The following THSD7B variants were observed in gnomAD, a reference collection of about 807,000 sequenced individuals.
THSD7B encodes the protein thrombospondin type-1 domain-containing protein 7B.
A neutral mutation model predicts 213.6 loss-of-function variants in THSD7B; 138 were observed. The observed-to-expected ratio is 0.65, with a 90% confidence interval of 0.56 to 0.74. The LOEUF is 0.74. Ranked by LOEUF, THSD7B falls within the 30% of genes least tolerant of loss-of-function variation. The pLI, the probability that THSD7B is intolerant of heterozygous loss-of-function variation, is 0.00. For missense variants in THSD7B, 1,931 were observed against 1,991.5 expected (o/e 0.97, Z 0.58); for synonymous variants, 742 against 687.0 (o/e 1.08, Z -1.25).
intron 2 of THSD7B, among the ~76,000 whole-genome samples, chr2:137,052,050 A>C (rs765232511): frequency 1.3e-5 from 2 of 152,218 alleles, no homozygotes; most frequent in African/African-American, 4.8e-5. Context: ...CATTTCCTGC[A>C]AAAACACAGG....
intron 15 of THSD7B, among the ~76,000 whole-genome samples, chr2:137,554,881 A>G (rs555127017): frequency 1.3e-5 from 2 of 152,298 alleles, no homozygotes; most frequent in African/African-American, 4.8e-5. Context: ...GTCTTAGTAA[A>G]CAGCACACCA....
intron 12 of THSD7B, among the ~76,000 whole-genome samples, chr2:137,353,940 T>G (rs2104924824): frequency 6.6e-6 from 1 of 152,226 alleles, no homozygotes; most frequent in Non-Finnish European, 1.5e-5. Flanking sequence ...CCAGTTTTCA[T>G]TAGAAAAGCC....
chr2:137,300,298 T>A (rs1683569635), intron 12 of THSD7B, among the ~76,000 whole-genome samples: 1 of 152,196 alleles, frequency 6.6e-6, no homozygotes, highest in Admixed American at 6.5e-5. Context: ...TTTAATCAGC[T>A]GTAATGAAGA....
At chr2:136,867,655 T>C (rs1683365002) in intron 1 of THSD7B, among the ~76,000 whole-genome samples, 2 of 152,218 alleles carry the variant, frequency 1.3e-5, no homozygotes, top group South Asian at 4.1e-4. Context: ...TCTCTGGTGT[T>C]TTCTTTAATG....
intron 2 of THSD7B, among the ~76,000 whole-genome samples, chr2:137,004,633 G>A (rs1686068880): frequency 6.6e-6 from 1 of 152,138 alleles, no homozygotes; most frequent in South Asian, 2.1e-4. Context: ...AACTCCCAAT[G>A]ACAGTCAGTG....
chr2:137,668,678 T>C (rs2104828020), intron 27 of THSD7B, among the ~76,000 whole-genome samples: 1 of 152,228 alleles, frequency 6.6e-6, no homozygotes, highest in East Asian at 1.9e-4. Flanking sequence ...TGACTACTAA[T>C]GGCCCGCTTT....
intron 12 of THSD7B, among the ~76,000 whole-genome samples, chr2:137,306,327 C>T (rs1214641701): frequency 1.3e-5 from 2 of 152,098 alleles, no homozygotes; most frequent in African/African-American, 2.4e-5. Context: ...TGACTATATA[C>T]AAGTAATGGA....
intron 2 of THSD7B, among the ~76,000 whole-genome samples, chr2:137,008,829 C>A (rs1041594377): frequency 2.0e-5 from 3 of 152,188 alleles, no homozygotes; most frequent in Admixed American, 2.0e-4. Context: ...GATTAAGTGA[C>A]CTTAAAGTGT....
intron 16 of THSD7B, among the ~76,000 whole-genome samples, chr2:137,566,240 T>C (rs1425916939): frequency 2.0e-5 from 3 of 152,192 alleles, no homozygotes; most frequent in African/African-American, 4.8e-5. Flanking sequence ...GTGAATAACA[T>C]TTTTGTCCTC....
At chr2:137,118,486 A>C (rs1456646941) in intron 5 of THSD7B, among the ~76,000 whole-genome samples, 2 of 152,232 alleles carry the variant, frequency 1.3e-5, no homozygotes, top group African/African-American at 4.8e-5. Context: ...AAAATTTATT[A>C]AAGCAATAAA....
At chr2:136,906,343 C>T (rs1239212021) in intron 2 of THSD7B, 1 of 152,040 alleles carries the variant, frequency 6.6e-6, no homozygotes, top group East Asian at 1.9e-4. Flanking sequence ...ATAATATATA[C>T]ATGTGTTTGT....
chr2:137,254,776 C>T (rs1682265816), intron 10 of THSD7B, among the ~76,000 whole-genome samples: 1 of 151,770 alleles, frequency 6.6e-6, no homozygotes, highest in South Asian at 2.1e-4. Flanking sequence ...TTTTTTCTAC[C>T]CCAAGTAAAT....
chr2:137,652,326 G>T (rs980054509), intron 21 of THSD7B, among the ~76,000 whole-genome samples: 35 of 152,024 alleles, frequency 2.3e-4, no homozygotes, highest in African/African-American at 6.3e-4. Context: ...TATTTTTACA[G>T]TCTCTGATTT....
chr2:136,849,339 A>T (rs1368608144), intron 1 of THSD7B, among the ~76,000 whole-genome samples: 1 of 152,192 alleles, frequency 6.6e-6, no homozygotes, highest in African/African-American at 2.4e-5. Flanking sequence ...CATTGAGAAG[A>T]TTAAAGGACT....
Position 137,450,900 on chromosome 2 carries a change from T to C in THSD7B, c.3015T>C (p.Asp1005=), listed in dbSNP as rs776795412. The C allele has an allele frequency of 2.5e-6, 4 of 1,612,306 alleles. No homozygotes were observed. The highest frequency in any genetic ancestry group is 2.7e-5 in the African/African-American group (2 of 74,822). Residue 1005 remains aspartate (D), a synonymous_variant, in exon 15 of 28, where the codon GAT becomes GAC. Transcript: ENST00000409968. ...GCCCATTTGATTGCAAGTTAAGCGA[T>C]TGGTCTAGTTGGGGGTCTTGCAGTT... The part of the protein sequence containing the change: ...IPCPFDCKLS[D]WSSWGSCSSS...
intron 15 of THSD7B, among the ~76,000 whole-genome samples, chr2:137,562,614 G>GTA (rs1342263241): frequency 6.6e-6 from 1 of 151,668 alleles, no homozygotes; most frequent in Non-Finnish European, 1.5e-5. Context: ...GTGTGTGTGT[G>GTA]TGTGTGTGTG....
At chr2:137,218,540 GTTC>G (rs67260647) in intron 7 of THSD7B, among the ~76,000 whole-genome samples, 90,471 of 151,628 alleles carry the variant, frequency 0.6, 27,384 homozygotes, top group South Asian at 0.71. Flanking sequence ...AGTACGGTTT[GTTC>G]TTCTTTAGAA....
At chr2:137,613,079 G>C (rs1286520934) in intron 17 of THSD7B, among the ~76,000 whole-genome samples, 2 of 152,116 alleles carry the variant, frequency 1.3e-5, no homozygotes, top group Non-Finnish European at 1.5e-5. Flanking sequence ...TCTAAAACCA[G>C]AGTGGTTCAA....
At chr2:137,014,113 T>C (rs1381045390) in intron 2 of THSD7B, among the ~76,000 whole-genome samples, 1 of 152,170 alleles carries the variant, frequency 6.6e-6, no homozygotes, top group Non-Finnish European at 1.5e-5. Flanking sequence ...TTGCTTGTGC[T>C]CATTGACTGG....
Sources: allele counts gnomAD v4.1 joint callset (sites outside exome capture counted in the v4.1 genomes callset), GRCh38; gene constraint gnomAD v4.1.1; transcripts MANE v1.5; gene names NCBI Gene and HGNC (gene_info 2026-07-23, HGNC 2026-07-21).